Variants in ADCY8 observed in about 807,000 individuals in gnomAD.
The protein encoded by ADCY8 is adenylate cyclase 8.
In ADCY8, 51 loss-of-function variants were observed where a neutral mutation model predicts 119.7. The ratio of observed to expected loss-of-function variants is 0.43; its 90% CI spans 0.34 to 0.54. The LOEUF (loss-of-function observed/expected upper bound fraction) is 0.54, where lower values mean the gene tolerates loss of function less well. Among genes scored for constraint, ADCY8 ranks in the 20% least tolerant of loss-of-function variants. ADCY8 has a pLI of 0.03. For missense variants in ADCY8, 1,383 were observed against 1,598.8 expected (o/e 0.87, Z 2.30); for synonymous variants, 665 against 651.0 (o/e 1.02, Z -0.33).
At chr8:130,910,175 T>C (rs1419712579) in intron 5 of ADCY8, among the ~76,000 whole-genome samples, 1 of 152,140 alleles carries the variant, frequency 6.6e-6, no homozygotes, top group Admixed American at 6.5e-5. Flanking sequence ...TGAAGCCTTC[T>C]TAGGTTCTTT....
chr8:130,937,880 A>G (rs1820836027), intron 4 of ADCY8, among the ~76,000 whole-genome samples: 1 of 152,200 alleles, frequency 6.6e-6, no homozygotes, highest in Non-Finnish European at 1.5e-5. Context: ...TAATCCTCAC[A>G]ACAACCCTCT....
At chr8:130,980,008 G>C (rs928136365) in intron 2 of ADCY8, among the ~76,000 whole-genome samples, 4 of 152,168 alleles carry the variant, frequency 2.6e-5, no homozygotes, top group Non-Finnish European at 4.4e-5. Context: ...TGAAAGGAAG[G>C]TATTGTCAGG....
chr8:130,985,130 G>C (rs970210910), intron 2 of ADCY8, among the ~76,000 whole-genome samples: 1 of 152,094 alleles, frequency 6.6e-6, no homozygotes, highest in African/African-American at 2.4e-5. Context: ...AGAGGAGAGT[G>C]CTTCAAGGAA....
chr8:130,850,857 C>T (rs983486602), intron 9 of ADCY8, among the ~76,000 whole-genome samples: 8 of 152,114 alleles, frequency 5.3e-5, no homozygotes, highest in Admixed American at 1.3e-4. Context: ...AATAATGTAT[C>T]GAGATCTGAT....
chr8:131,034,455 GA>G lies in ADCY8; in HGVS notation c.960+4918del, dbSNP rs765987127. Among the ~76,000 whole-genome samples the G allele has an allele frequency of 3.6e-4, 55 of 151,264 alleles. No individual in the cohort carries two copies. In the East Asian group the frequency reaches 7.2e-3, roughly 20 times the overall value. ...ACACCACTATCTTATCCAGCACAAA[GA>G]AAAAAAAATTTCCCCTAAAGGATTT... On this transcript the variant is annotated intron_variant, in intron 1 of 17. Transcript: ENST00000286355.
chr8:130,888,811 C>A (rs1205457316), intron 7 of ADCY8, among the ~76,000 whole-genome samples: 1 of 152,084 alleles, frequency 6.6e-6, no homozygotes, highest in Non-Finnish European at 1.5e-5. Flanking sequence ...TGTCTTTTAT[C>A]TGTGTTCCCA....
At position 130,780,699 on chromosome 8, in the gene ADCY8, G is replaced by A; in HGVS notation, c.3447C>T (p.Tyr1149=). The change falls in exon 18 of 18, where the codon TAC becomes TAT. Residue 1149 remains tyrosine, a synonymous_variant. Coordinates refer to ENST00000286355, the MANE Select transcript of ADCY8 (RefSeq NM_001115.3). ...ILKDQGFAFD[Y]RGEIYVKGIS... is the part of the protein sequence containing the mutation. ...TACCCTTCACATAGATCTCCCCTCG[G>A]TAATCAAAGGCAAAGCCCTGGTCCT... 6.2e-7 allele frequency: 1 copy of A among 1,614,146 alleles called. No homozygotes were observed. Among genetic ancestry groups the A allele is most frequent in the South Asian group, 1.1e-5 (1 of 91,082 alleles).
chr8:130,847,137 TGAAAAGGAA>T (rs1332687774), intron 11 of ADCY8, among the ~76,000 whole-genome samples: 3 of 146,386 alleles, frequency 2.0e-5, no homozygotes, highest in East Asian at 2.0e-4. Context: ...GAAGGAAAGG[TGAAAAGGAA>T]GAAAAGGAAG....
At chr8:130,864,873 T>G (rs1818059876) in intron 9 of ADCY8, among the ~76,000 whole-genome samples, 1 of 152,196 alleles carries the variant, frequency 6.6e-6, no homozygotes, top group South Asian at 2.1e-4. Flanking sequence ...TGATGATTGC[T>G]TTGCCTCTTC....
At chr8:130,881,642 T>G (rs1586525500) in intron 8 of ADCY8, among the ~76,000 whole-genome samples, 1 of 152,110 alleles carries the variant, frequency 6.6e-6, no homozygotes, top group Non-Finnish European at 1.5e-5. Flanking sequence ...ATTGTATGTA[T>G]TTAAAAAATT....
chr8:131,019,843 G>GTCTGTC (rs1823606514), intron 1 of ADCY8, among the ~76,000 whole-genome samples: 1 of 86,884 alleles, frequency 1.2e-5, no homozygotes, highest in South Asian at 5.0e-4. Flanking sequence ...CTCTCTGTCT[G>GTCTGTC]TCTCTCTCTC....
intron 2 of ADCY8, among the ~76,000 whole-genome samples, chr8:130,964,977 G>A (rs1187737961): frequency 6.6e-6 from 1 of 152,142 alleles, no homozygotes; most frequent in East Asian, 1.9e-4. Context: ...GTCTTCTTTT[G>A]AGAGGTGTCT....
chr8:130,920,681 C>A (rs1820274590), intron 5 of ADCY8, among the ~76,000 whole-genome samples: 2 of 152,140 alleles, frequency 1.3e-5, no homozygotes, highest in African/African-American at 4.8e-5. Context: ...TTTGGTTAGG[C>A]CTTTGTATCC....
At chr8:131,005,863 C>A (rs1823100362) in intron 1 of ADCY8, among the ~76,000 whole-genome samples, 2 of 152,162 alleles carry the variant, frequency 1.3e-5, no homozygotes. Context: ...AGCCTTGTGG[C>A]TCCCTTAATC....
intron 2 of ADCY8, among the ~76,000 whole-genome samples, chr8:130,960,986 C>A (rs1273105176): frequency 6.6e-6 from 1 of 152,172 alleles, no homozygotes; most frequent in Non-Finnish European, 1.5e-5. Flanking sequence ...AGGAGAAATT[C>A]CAAACCCCTT....
intron 7 of ADCY8, among the ~76,000 whole-genome samples, chr8:130,888,047 AT>A (rs1484830085): frequency 1.3e-5 from 2 of 152,144 alleles, no homozygotes; most frequent in East Asian, 1.9e-4. Flanking sequence ...ATGTTTAAAA[AT>A]AGCATAAGCT....
chr8:130,869,819 C>CT (rs796715531), intron 8 of ADCY8, among the ~76,000 whole-genome samples: 14 of 151,826 alleles, frequency 9.2e-5, no homozygotes, highest in African/African-American at 3.4e-4. Context: ...ACCCGGCCGG[C>CT]TACTGGTTAA....
chr8:130,800,371 A>G, intron 15 of ADCY8, 55 bp downstream of exon 15: 1 of 1,608,034 alleles, frequency 6.2e-7, no homozygotes, highest in South Asian at 1.1e-5. Context: ...GAATAACACA[A>G]CGCTTTGACA....
At chr8:130,821,048 C>T (rs1816492729) in intron 13 of ADCY8, among the ~76,000 whole-genome samples, 1 of 152,138 alleles carries the variant, frequency 6.6e-6, no homozygotes, top group African/African-American at 2.4e-5. Context: ...TAATTTCATC[C>T]AGGCAACAGA....
Sources: allele counts gnomAD v4.1 joint callset (sites outside exome capture counted in the v4.1 genomes callset), GRCh38; gene constraint gnomAD v4.1.1; transcripts MANE v1.5; gene names NCBI Gene and HGNC (gene_info 2026-07-23, HGNC 2026-07-21).